Variants in LMF1 observed in about 807,000 individuals in gnomAD.
LMF1 encodes lipase maturation factor 1.
In LMF1, 68 loss-of-function variants were observed where a neutral mutation model predicts 60.6. The ratio of observed to expected loss-of-function variants is 1.12; its 90% CI spans 0.92 to 1.37. The LOEUF (loss-of-function observed/expected upper bound fraction) is 1.37, where lower values mean the gene tolerates loss of function less well. LMF1 is among the 40% of genes most tolerant of loss of function. The pLI is 0.00. For missense variants in LMF1, 948 were observed against 767.2 expected (o/e 1.24, Z -2.78); for synonymous variants, 418 against 324.7 (o/e 1.29, Z -3.09).
intron 2 of LMF1, among the ~76,000 whole-genome samples, chr16:945,064 G>T (rs995658535): frequency 6.6e-6 from 1 of 151,552 alleles, no homozygotes; most frequent in Non-Finnish European, 1.5e-5. Context: ...TATAAAAATT[G>T]GCCAGGCGTG....
chr16:903,885 T>C (rs1268336011), intron 4 of LMF1: 2 of 126,848 alleles, frequency 1.6e-5, no homozygotes, highest in Admixed American at 1.0e-4. Flanking sequence ...GACCTCTGCA[T>C]CGCCCACAGG....
intron 3 of LMF1, among the ~76,000 whole-genome samples, chr16:929,409 C>T (rs1408469145): frequency 1.3e-5 from 2 of 152,194 alleles, no homozygotes; most frequent in Non-Finnish European, 2.9e-5. Flanking sequence ...GGGGTCAGGC[C>T]CACACTTGGG....
intron 6 of LMF1, chr16:871,771 C>T (rs528016249): frequency 5.5e-4 from 89 of 162,246 alleles, no homozygotes; most frequent in African/African-American, 1.9e-3. Flanking sequence ...GCCCCTCAGC[C>T]GATGGGTGAC....
intron 8 of LMF1, 89 bp from the exon 9 acceptor site, chr16:870,155 C>T: frequency 7.0e-7 from 1 of 1,425,232 alleles, no homozygotes; most frequent in Non-Finnish European, 9.4e-7. Context: ...CCCGACTGTC[C>T]ATCCTGGCCC....
At chr16:917,724 A>C (rs971952128) in intron 3 of LMF1, among the ~76,000 whole-genome samples, 3 of 149,968 alleles carry the variant, frequency 2.0e-5, no homozygotes, top group Non-Finnish European at 4.5e-5. Context: ...TGTCAGCCCC[A>C]CCCCAGAGGT....
chr16:875,006 C>A (rs1252023478), intron 6 of LMF1, among the ~76,000 whole-genome samples: 1 of 152,214 alleles, frequency 6.6e-6, no homozygotes, highest in Non-Finnish European at 1.5e-5. Context: ...GGACTGCCGG[C>A]CGACCATCTT....
At chr16:966,833 A>T (rs1241887227) in intron 1 of LMF1, among the ~76,000 whole-genome samples, 2 of 152,250 alleles carry the variant, frequency 1.3e-5, no homozygotes, top group East Asian at 3.9e-4. Flanking sequence ...TCCACCTGTC[A>T]CAGCTTCCAG....
chr16:913,426 C>T (rs1245176541), intron 3 of LMF1, among the ~76,000 whole-genome samples: 2 of 152,262 alleles, frequency 1.3e-5, no homozygotes, highest in African/African-American at 4.8e-5. Context: ...TGCTCCTGAG[C>T]CCTGCCCGCT....
intron 5 of LMF1, among the ~76,000 whole-genome samples, chr16:887,915 C>G (rs1036469543): frequency 1.3e-5 from 2 of 152,190 alleles, no homozygotes; most frequent in African/African-American, 4.8e-5. Flanking sequence ...CTGGGACACC[C>G]TTGCTCCAGG....
chr16:949,150 CAG>C (rs1308194902), intron 2 of LMF1, among the ~76,000 whole-genome samples: 7 of 149,044 alleles, frequency 4.7e-5, no homozygotes, highest in South Asian at 4.3e-4. Flanking sequence ...GAGACAATGA[CAG>C]AGTCAGCCAA....
intron 1 of LMF1, 64 bp downstream of exon 1, chr16:970,724 A>T (rs1048815188): frequency 1.4e-6 from 2 of 1,415,456 alleles, no homozygotes; most frequent in African/African-American, 3.0e-5. Context: ...GTCTCGAGGG[A>T]GGGCGGGGGT....
At position 934,014 on chromosome 16, in the gene LMF1, G is replaced by A. The variant is rs949346959; in HGVS notation, c.514+230C>T. ...ACCTGTGAGATGCCGACAATCATGC[G>A]TGCGACCATCCGTCTCTAGGTGCCC... is the stretch of plus-strand genomic sequence containing the variant. On this transcript the variant is annotated intron_variant, in intron 3 of 10. Coordinates refer to ENST00000262301, the MANE Select transcript of LMF1 (RefSeq NM_022773.4). 17 of 1,492,442 alleles carry A rather than the reference G, an allele frequency of 1.1e-5. No individual in the cohort carries two copies. In the African/African-American group the frequency reaches 1.2e-4, roughly 11 times the overall value. The allele number at this position is 1,492,442 out of a possible 1,614,324, so 92.4% of individuals were successfully genotyped here. A position where few individuals can be genotyped will look rare whatever the true frequency, so the allele number is the denominator to read the frequency against.
In LMF1 at chr16:854,581, A is replaced by G. The variant is rs764255880; in HGVS notation, c.1655T>C (p.Leu552Pro). Residue 552 changes from leucine to proline, a missense_variant, in exon 11 of 11, where the codon CTG (leucine) becomes CCG (proline). Coordinates refer to ENST00000262301, the MANE Select transcript of LMF1 (RefSeq NM_022773.4). ...CCCACGGTCCCTGAAGTAGGGCCTC[A>G]GCTCCTCCAGGCTGAGCGGAGGGAA... ...AYFPPLSLEE[L>P]RPYFRDRGWP... The G allele has an allele frequency of 3.1e-6, 5 of 1,607,854 alleles. No homozygotes were observed. In the East Asian group the frequency reaches 1.1e-4, roughly 36 times the overall value.
upstream of LMF1, chr16:981,297 TGTGTGTGAGAGA>T (rs1176728045): frequency 3.3e-5 from 13 of 392,784 alleles, no homozygotes; most frequent in East Asian, 1.7e-4. Context: ...TGTGTGTGTG[TGTGTGTGAGAGA>T]GAGAGAGAGA....
At chr16:936,952 A>G (rs1567274837) in intron 2 of LMF1, among the ~76,000 whole-genome samples, 1 of 152,202 alleles carries the variant, frequency 6.6e-6, no homozygotes, top group Non-Finnish European at 1.5e-5. Flanking sequence ...CCTGGGCGAC[A>G]GGGCGGGAGA....
At chr16:956,593 C>T (rs942961217) in intron 1 of LMF1, among the ~76,000 whole-genome samples, 1 of 152,158 alleles carries the variant, frequency 6.6e-6, no homozygotes, top group African/African-American at 2.4e-5. Flanking sequence ...CCTGTAATCC[C>T]AGCACTTTGG....
At chr16:890,425 C>T (rs1023530601) in intron 5 of LMF1, among the ~76,000 whole-genome samples, 4 of 152,178 alleles carry the variant, frequency 2.6e-5, no homozygotes, top group Non-Finnish European at 4.4e-5. Context: ...GCCGGCCCGG[C>T]CCCCCGAGAC....
At chr16:879,799 G>C in intron 5 of LMF1, 62 bp from the exon 6 acceptor site, 1 of 1,490,040 alleles carries the variant, frequency 6.7e-7, no homozygotes, top group Non-Finnish European at 9.1e-7. Flanking sequence ...GCTAGGGAGA[G>C]GCTTGTGGGT....
intron 3 of LMF1, among the ~76,000 whole-genome samples, chr16:929,699 C>A (rs2071715084): frequency 6.6e-6 from 1 of 152,272 alleles, no homozygotes; most frequent in Non-Finnish European, 1.5e-5. Flanking sequence ...TTACCAAACT[C>A]AGCAGCCCTC....
Sources: gnomAD v4.1 joint callset for allele counts (sites outside exome capture counted in the v4.1 genomes callset) on GRCh38, gnomAD v4.1.1 for gene constraint, MANE v1.5 for transcripts, NCBI Gene and HGNC (gene_info 2026-07-23, HGNC 2026-07-21) for gene names.